AXDND1: variants seen among roughly 807,000 people sequenced by gnomAD.
AXDND1 encodes the protein axonemal dynein light chain domain-containing protein 1.
In AXDND1, 110 loss-of-function variants were observed where a neutral mutation model predicts 137.5. The ratio of observed to expected loss-of-function variants is 0.80; its 90% CI spans 0.69 to 0.94. The LOEUF (loss-of-function observed/expected upper bound fraction) is 0.94, where lower values mean the gene tolerates loss of function less well. Ranked by LOEUF, AXDND1 falls within the 40% of genes least tolerant of loss-of-function variation. The pLI is 0.00. For synonymous variants in AXDND1, 414 were observed against 399.7 expected, an observed-to-expected ratio of 1.04 and a Z score of -0.43; for missense variants, 1,191 against 1,169.8, an observed-to-expected ratio of 1.02 and a Z score of -0.26.
chr1:179,375,727 A>T (rs1668554064), intron 4 of AXDND1, among the ~76,000 whole-genome samples: 1 of 152,160 alleles, frequency 6.6e-6, no homozygotes, highest in African/African-American at 2.4e-5. Flanking sequence ...CTGTTCCATC[A>T]TCCTGACAGC....
At chr1:179,490,103 C>G (rs1203271390) in intron 18 of AXDND1, among the ~76,000 whole-genome samples, 1 of 152,134 alleles carries the variant, frequency 6.6e-6, no homozygotes, top group Non-Finnish European at 1.5e-5. Flanking sequence ...AGAACTTACT[C>G]CCTGATAAGT....
intron 12 of AXDND1, among the ~76,000 whole-genome samples, chr1:179,414,683 C>T (rs1394968602): frequency 6.6e-6 from 1 of 152,042 alleles, no homozygotes; most frequent in Non-Finnish European, 1.5e-5. Flanking sequence ...CCTCAGCCTG[C>T]CAAAGTGCTG....
chr1:179,489,127 A>T (rs1473685564), intron 18 of AXDND1, among the ~76,000 whole-genome samples: 1 of 152,142 alleles, frequency 6.6e-6, no homozygotes, highest in Non-Finnish European at 1.5e-5. Flanking sequence ...TTCACAAAAG[A>T]AAAGCAGTCA....
intron 16 of AXDND1, among the ~76,000 whole-genome samples, chr1:179,459,010 T>C (rs1025759702): frequency 1.3e-5 from 2 of 152,056 alleles, no homozygotes; most frequent in African/African-American, 2.4e-5. Context: ...GAAAAAAAGA[T>C]TAAAATCAGT....
intron 23 of AXDND1, chr1:179,533,105 G>A (rs896530428): frequency 6.6e-6 from 1 of 151,920 alleles, no homozygotes; most frequent in Non-Finnish European, 1.5e-5. Flanking sequence ...CGTCTATAAG[G>A]TAGACTTTAC....
Position 179,491,735 on chromosome 1 carries a change from C to T in AXDND1, c.2289C>T (p.Ser763=). ...RKLYQYSSYL[S]SCCKGMVTAM... ...TGTACCAATACTCCAGCTATTTGAGCAGGTGAAGCGGTTATTTTATTGTTG... is the reference window on the plus strand; with the variant it reads ...TGTACCAATACTCCAGCTATTTGAGTAGGTGAAGCGGTTATTTTATTGTTG... The change falls in exon 19 of 26, where the codon AGC becomes AGT. Residue 763 remains serine, a splice_region_variant and synonymous_variant. Transcript: ENST00000367618. 1 of 1,549,382 alleles carries T rather than the reference C, an allele frequency of 6.5e-7. No individual in the cohort carries two copies. The highest frequency in any genetic ancestry group is 8.7e-7 in the Non-Finnish European group (1 of 1,150,714).
At chr1:179,550,125 G>A (rs1479443537) in intron 25 of AXDND1, among the ~76,000 whole-genome samples, 1 of 152,086 alleles carries the variant, frequency 6.6e-6, no homozygotes, top group Admixed American at 6.5e-5. Context: ...TTTGGCTTCA[G>A]AATTTACTAA....
At position 179,551,360 on chromosome 1, in the gene AXDND1, C is replaced by G. The variant is rs776859868; in HGVS notation, c.3032-3152C>G. ...CAGAGACTGAAGGGTGTGGAGGTAT[C>G]GAAGCTGAACGGCAGCAGGGGTGCC... On this transcript the variant is annotated intron_variant, in intron 25 of 25. Transcript: ENST00000367618. The G allele has an allele frequency of 8.7e-6, 14 of 1,613,936 alleles. No individual in the cohort carries two copies. In the South Asian group the frequency reaches 1.1e-4, roughly 13 times the overall value.
rs61820978 is a variant in AXDND1, at chr1:179,429,841, G to T, written c.1332+222G>T. ...TTATTTAAGTTTAATAACACTACAA[G>T]GTTACTCATACAATTATGATCCTAT... is the stretch of plus-strand genomic sequence containing the variant. On this transcript the variant is annotated intron_variant, in intron 13 of 25. Coordinates refer to ENST00000367618, the MANE Select transcript of AXDND1 (RefSeq NM_144696.6). Among the ~76,000 whole-genome samples the T allele has an allele frequency of 4.6e-5, 7 of 150,814 alleles. No homozygotes were observed. The South Asian group carries it at 1.3e-3, about 27-fold the overall frequency.
chr1:179,480,713 C>T (rs766378999), intron 17 of AXDND1, among the ~76,000 whole-genome samples: 11 of 151,892 alleles, frequency 7.2e-5, no homozygotes, highest in Non-Finnish European at 1.6e-4. Context: ...ACTGTAGCAA[C>T]TTTGGTTGCT....
At position 179,434,317 on chromosome 1, in the gene AXDND1, A is replaced by G. The variant is rs577948715; in HGVS notation, c.1563+1975A>G. On this transcript the variant is annotated intron_variant, in intron 15 of 25. Coordinates refer to ENST00000367618, the MANE Select transcript of AXDND1 (RefSeq NM_144696.6). ...ATTTCTTCTGAAACTATTCCAAACA[A>G]TTGAAAAGGAGGGACTCCTCCTTAA... Among the ~76,000 whole-genome samples the G allele has an allele frequency of 1.2e-4, 19 of 152,298 alleles. No homozygotes were observed. The East Asian group carries it at 3.7e-3, about 29-fold the overall frequency.
chr1:179,448,104 A>G (rs1659995133), intron 16 of AXDND1: 2 of 871,192 alleles, frequency 2.3e-6, no homozygotes, highest in South Asian at 1.4e-5. Flanking sequence ...CAAATTCCTC[A>G]TTAATTATTT....
At chr1:179,476,819 A>G (rs1438355014) in intron 17 of AXDND1, among the ~76,000 whole-genome samples, 2 of 152,198 alleles carry the variant, frequency 1.3e-5, no homozygotes, top group African/African-American at 2.4e-5. Context: ...TGACTCTCAT[A>G]TATAAGTTTG....
chr1:179,379,834 A>G (rs993070864), intron 6 of AXDND1, among the ~76,000 whole-genome samples: 3 of 149,944 alleles, frequency 2.0e-5, no homozygotes, highest in African/African-American at 7.3e-5. Flanking sequence ...ATACCTGACA[A>G]GTTGAACTGT....
chr1:179,428,224 C>T (rs2125301180), intron 12 of AXDND1, among the ~76,000 whole-genome samples: 1 of 152,282 alleles, frequency 6.6e-6, no homozygotes, highest in African/African-American at 2.4e-5. Flanking sequence ...CAGATTTGAG[C>T]TAGACATGTT....
chr1:179,464,345 A>G (rs1022146283), intron 16 of AXDND1, among the ~76,000 whole-genome samples: 8 of 152,176 alleles, frequency 5.3e-5, no homozygotes, highest in African/African-American at 1.9e-4. Flanking sequence ...GCTTGTCTGT[A>G]AAGGATTTTA....
intron 9 of AXDND1, among the ~76,000 whole-genome samples, chr1:179,385,682 A>C (rs1051057449): frequency 1.1e-4 from 16 of 152,130 alleles, no homozygotes; most frequent in Non-Finnish European, 8.8e-5. Flanking sequence ...TTGCGGGGAG[A>C]CACCAAGTCA....
At chr1:179,406,854 C>T (rs1307432989) in intron 11 of AXDND1, among the ~76,000 whole-genome samples, 1 of 152,092 alleles carries the variant, frequency 6.6e-6, no homozygotes, top group East Asian at 1.9e-4. Context: ...CTTTTATATT[C>T]AAGGTTATTA....
chr1:179,468,701 C>A, intron 17 of AXDND1, 60 bp downstream of exon 17: 1 of 1,307,650 alleles, frequency 7.6e-7, no homozygotes, highest in Non-Finnish European at 1.0e-6. Context: ...TGTTGCAATA[C>A]ACTTCATATA....
Sources: gnomAD v4.1 joint callset for allele counts (sites outside exome capture counted in the v4.1 genomes callset) on GRCh38, gnomAD v4.1.1 for gene constraint, MANE v1.5 for transcripts, NCBI Gene and HGNC (gene_info 2026-07-23, HGNC 2026-07-21) for gene names.